COLEC12: variants seen among roughly 807,000 people sequenced by gnomAD.
COLEC12 encodes the protein collectin-12.
COLEC12 carries 33 observed loss-of-function variants against 71.1 expected under a neutral mutation model. The ratio of observed to expected loss-of-function variants is 0.46; its 90% CI spans 0.35 to 0.62. The LOEUF (loss-of-function observed/expected upper bound fraction) is 0.62, where lower values mean the gene tolerates loss of function less well. COLEC12 is among the 20% of genes least tolerant of loss of function. The pLI, the probability that COLEC12 is intolerant of heterozygous loss-of-function variation, is 0.00. For synonymous variants in COLEC12, 350 were observed against 353.0 expected, an observed-to-expected ratio of 0.99 and a Z score of 0.10; for missense variants, 765 against 916.1, an observed-to-expected ratio of 0.84 and a Z score of 2.13.
intron 2 of COLEC12, among the ~76,000 whole-genome samples, chr18:370,154 C>T (rs1274002708): frequency 2.0e-5 from 3 of 152,164 alleles, no homozygotes; most frequent in African/African-American, 7.2e-5. Context: ...ATTCACAGTG[C>T]AGGCAGAAGG....
rs1460582962 is a variant in COLEC12, at chr18:446,462, G to A, written c.58+34245C>T. On this transcript the variant is annotated intron_variant, in intron 2 of 9. Coordinates refer to ENST00000400256, the MANE Select transcript of COLEC12 (RefSeq NM_130386.3). ...CATACCTGTAATCCCAGCACTTTGG[G>A]AGGCCAAAGCAGGAGGATTACTTGA... is the stretch of plus-strand genomic sequence containing the variant. Among the ~76,000 whole-genome samples the A allele has an allele frequency of 3.3e-5, 5 of 151,696 alleles. No homozygotes were observed. The East Asian group carries it at 7.8e-4, about 24-fold the overall frequency.
rs574497372 is a variant in COLEC12 at position 327,128 on chromosome 18, T to C, written c.2063+4540A>G. The stretch of plus-strand genomic sequence containing the variant: ...CTAATCTCCAGTCAGGGGCTGGGTG[T>C]TGGCCAAGAATGAAGTTTTCACAGG... On this transcript the variant is annotated intron_variant, in intron 8 of 9. Coordinates refer to ENST00000400256, the MANE Select transcript of COLEC12 (RefSeq NM_130386.3). The surrounding 1 kb of genome is among the most constrained non-coding windows in gnomAD (Gnocchi z 4.0). Among the ~76,000 whole-genome samples, 2 of 152,270 alleles carry C rather than the reference T, an allele frequency of 1.3e-5. No individual in the cohort carries two copies. Among genetic ancestry groups the C allele is most frequent in the Non-Finnish European group, 2.9e-5 (2 of 68,014 alleles).
chr18:413,217 CAGAT>C (rs760515556), intron 2 of COLEC12, among the ~76,000 whole-genome samples: 1 of 152,260 alleles, frequency 6.6e-6, no homozygotes, highest in African/African-American at 2.4e-5. Context: ...CTGAAGAAGA[CAGAT>C]GGATGGCAAA....
chr18:347,126 T>A lies in COLEC12; in HGVS notation c.496A>T (p.Thr166Ser), dbSNP rs773976349. Reference protein sequence around the residue: ...TLENNSFLITTVNKTLQAYNG... With the variant: ...TLENNSFLITSVNKTLQAYNG... Reference sequence around the variant, plus strand: ...TACGCCTGGAGGGTTTTGTTTACAGTGGTGATGAGGAAAGAGTTATTCTCC... The same window carrying A: ...TACGCCTGGAGGGTTTTGTTTACAGAGGTGATGAGGAAAGAGTTATTCTCC... Residue 166 changes from threonine (T) to serine (S), a missense_variant, in exon 5 of 10, where the codon ACT becomes TCT. Physicochemically the swap from Thr to Ser is moderately conservative, Grantham distance 58 (BLOSUM62 1). Transcript: ENST00000400256. 3.7e-6 allele frequency: 6 copies of A among 1,614,208 alleles called. No individual in the cohort carries two copies. Among genetic ancestry groups the A allele is most frequent in the Non-Finnish European group, 5.1e-6 (6 of 1,180,038 alleles).
chr18:326,293 T>G (rs960675929), intron 8 of COLEC12, among the ~76,000 whole-genome samples: 1 of 152,226 alleles, frequency 6.6e-6, no homozygotes, highest in Non-Finnish European at 1.5e-5. Flanking sequence ...TTTCTATCTA[T>G]GTCTAATTTA....
At chr18:354,845 C>T (rs1914596645) in intron 3 of COLEC12, among the ~76,000 whole-genome samples, 1 of 152,118 alleles carries the variant, frequency 6.6e-6, no homozygotes, top group South Asian at 2.1e-4. Flanking sequence ...CTTGTACTTG[C>T]TCCCCATTAT....
chr18:485,258 T>G lies in COLEC12; in HGVS notation c.8-4501A>C, dbSNP rs112843935. Among the ~76,000 whole-genome samples the G allele has an allele frequency of 5.9e-3, 897 of 152,290 alleles. 8 individuals carry two copies. Among genetic ancestry groups the G allele is most frequent in the African/African-American group, 0.019 (798 of 41,554 alleles). The stretch of plus-strand genomic sequence containing the variant: ...GAGATTCTTCTGAGGTCAGTCTCTT[T>G]AGCAACTTAATACTTCCCAATGTCT... On this transcript the variant is annotated intron_variant, in intron 1 of 9. Coordinates refer to ENST00000400256, the MANE Select transcript of COLEC12 (RefSeq NM_130386.3).
At chr18:424,876 C>T (rs1916167957) in intron 2 of COLEC12, among the ~76,000 whole-genome samples, 3 of 152,196 alleles carry the variant, frequency 2.0e-5, no homozygotes. Flanking sequence ...TGCCGACAAC[C>T]AGGAGGTAGA....
chr18:456,715 C>T (rs900409824), intron 2 of COLEC12, among the ~76,000 whole-genome samples: 2 of 152,224 alleles, frequency 1.3e-5, no homozygotes, highest in Non-Finnish European at 2.9e-5. Flanking sequence ...TTTTCTTCTC[C>T]AACAAAGAGC....
chr18:455,771 G>T (rs35622566), intron 2 of COLEC12, among the ~76,000 whole-genome samples: 3,729 of 152,102 alleles, frequency 0.025, 65 homozygotes, highest in Non-Finnish European at 0.042. Flanking sequence ...TCCTGTGTTA[G>T]TTTGCTGAGA....
intron 2 of COLEC12, among the ~76,000 whole-genome samples, chr18:411,610 T>C (rs1217177343): frequency 6.6e-6 from 1 of 152,182 alleles, no homozygotes; most frequent in African/African-American, 2.4e-5. Context: ...ATCAAACTCA[T>C]TGGAACAGAG....
chr18:411,382 G>A (rs886748916), intron 2 of COLEC12, among the ~76,000 whole-genome samples: 2 of 152,282 alleles, frequency 1.3e-5, no homozygotes, highest in East Asian at 3.9e-4. Context: ...ATCAATAGAT[G>A]CCAAGACTGA....
At chr18:367,794 TA>T (rs1445715689) in intron 2 of COLEC12, among the ~76,000 whole-genome samples, 42 of 152,316 alleles carry the variant, frequency 2.8e-4, no homozygotes, top group African/African-American at 9.6e-4. Context: ...TACTTGTTAT[TA>T]AAACTGGACA....
At chr18:389,781 C>T (rs554997147) in intron 2 of COLEC12, among the ~76,000 whole-genome samples, 2 of 152,114 alleles carry the variant, frequency 1.3e-5, no homozygotes, top group East Asian at 1.9e-4. Context: ...CAGGCTTACT[C>T]GGTACCACCC....
chr18:360,270 C>T (rs753331779), intron 2 of COLEC12, among the ~76,000 whole-genome samples: 17 of 151,434 alleles, frequency 1.1e-4, no homozygotes, highest in Non-Finnish European at 4.4e-5. Flanking sequence ...GCAACCTCTG[C>T]CTCCCGGGTT....
intron 8 of COLEC12, among the ~76,000 whole-genome samples, chr18:328,303 A>G (rs965833977): frequency 1.3e-5 from 2 of 152,204 alleles, no homozygotes; most frequent in African/African-American, 4.8e-5. Flanking sequence ...CAAGGAGAGT[A>G]AAAGTGAGTC....
chr18:349,996 A>C (rs570247542), intron 3 of COLEC12, among the ~76,000 whole-genome samples: 15 of 152,258 alleles, frequency 9.9e-5, no homozygotes, highest in South Asian at 6.2e-4. Flanking sequence ...TGCAGACTTT[A>C]GGGTTAATGC....
intron 2 of COLEC12, among the ~76,000 whole-genome samples, chr18:407,605 A>G (rs907656525): frequency 6.6e-6 from 1 of 152,234 alleles, no homozygotes; most frequent in African/African-American, 2.4e-5. Flanking sequence ...TATTCAGGTC[A>G]TCAGTTGACA....
Position 334,808 on chromosome 18 carries a change from C to T in COLEC12, c.1750G>A (p.Gly584Ser). The T allele has an allele frequency of 6.6e-7, 1 of 1,514,716 alleles. No homozygotes were observed. The highest frequency in any genetic ancestry group is 8.8e-7 in the Non-Finnish European group (1 of 1,138,740). 93.8% of individuals were successfully genotyped at this position (1,514,716 alleles called of 1,614,324 possible). A position where few individuals can be genotyped will look rare whatever the true frequency, so the allele number is the denominator to read the frequency against. ...PGPKGPPGPPGPSGAVVPLAL... is the reference protein window; with the variant it reads ...PGPKGPPGPPSPSGAVVPLAL... ...AGGGGCACCACCGCTCCTGATGGGC[C>T]AGGAGGGCCGGGGGGGCCCTTGGGG... Residue 584 changes from glycine to serine, a missense_variant, in exon 6 of 10, where the codon GGC (glycine) becomes AGC (serine). Coordinates refer to ENST00000400256, the MANE Select transcript of COLEC12 (RefSeq NM_130386.3).
Sources: allele counts gnomAD v4.1 joint callset (sites outside exome capture counted in the v4.1 genomes callset), GRCh38; gene constraint gnomAD v4.1.1; non-coding constraint Gnocchi (gnomAD v3.1); transcripts MANE v1.5; gene names NCBI Gene and HGNC (gene_info 2026-07-23, HGNC 2026-07-21).